ZNF568: variants seen among roughly 807,000 people sequenced by gnomAD.
ZNF568 encodes the protein zinc finger protein 568, also known as p53 inhibitor of SCO2 activation.
Under a neutral mutation model 18.1 loss-of-function variants are expected in ZNF568, and 11 were observed. The ratio of observed to expected loss-of-function variants is 0.61; its 90% CI spans 0.38 to 1.00. The LOEUF is 1.00. Among genes scored for constraint, ZNF568 ranks in the 50% least tolerant of loss-of-function variants. ZNF568 has a pLI of 0.01. For missense variants in ZNF568, 639 were observed against 768.2 expected, an observed-to-expected ratio of 0.83 and a Z score of 1.99; for synonymous variants, 213 against 246.6, an observed-to-expected ratio of 0.86 and a Z score of 1.28.
At chr19:36,948,521 T>C (rs1315943912) in intron 6 of ZNF568, among the ~76,000 whole-genome samples, 1 of 152,206 alleles carries the variant, frequency 6.6e-6, no homozygotes, top group Non-Finnish European at 1.5e-5. Flanking sequence ...TGGCTAATTT[T>C]GTAAGAAACT....
Position 36,936,828 on chromosome 19 carries a change from A to G in ZNF568, c.218A>G (p.Tyr73Cys), listed in dbSNP as rs2146290864. Residue 73 changes from tyrosine (Y) to cysteine (C), a missense_variant, in exon 5 of 7, where the codon TAT (tyrosine) becomes TGT (cysteine). Coordinates refer to ENST00000333987, the MANE Select transcript of ZNF568 (RefSeq NM_198539.4). The part of the protein sequence containing the change: ...EQMKPAQRNL[Y>C]RDVMLENYSN... The stretch of plus-strand genomic sequence containing the variant: ...ATGAAACCTGCTCAAAGAAACTTGT[A>G]TCGAGATGTGATGCTGGAGAACTAC... The G allele has an allele frequency of 1.9e-6, 3 of 1,613,986 alleles. No individual in the cohort carries two copies. In the East Asian group the frequency reaches 6.7e-5, roughly 36 times the overall value.
chr19:36,944,363 A>T (rs1440104920), intron 6 of ZNF568, among the ~76,000 whole-genome samples: 2 of 151,540 alleles, frequency 1.3e-5, no homozygotes, highest in African/African-American at 2.4e-5. Context: ...ATGCCATTGC[A>T]CTCCAGCCTG....
Position 36,950,242 on chromosome 19 carries a change from A to C in ZNF568, c.1089A>C (p.Ala363=), listed in dbSNP as rs1467272127. 3 of 1,613,872 alleles carry C rather than the reference A, an allele frequency of 1.9e-6. No homozygotes were observed. Among genetic ancestry groups the C allele is most frequent in the Non-Finnish European group, 2.5e-6 (3 of 1,179,946 alleles). ...EKIHTGEKPY[A]CNECGRAFSR... Reference sequence around the variant, plus strand: ...TTCATACTGGGGAGAAACCTTATGCATGTAATGAATGTGGTAGAGCTTTTT... The same window carrying C: ...TTCATACTGGGGAGAAACCTTATGCCTGTAATGAATGTGGTAGAGCTTTTT... The change falls in exon 7 of 7, where the codon GCA becomes GCC. Residue 363 remains alanine (A), a synonymous_variant. Coordinates refer to ENST00000333987, the MANE Select transcript of ZNF568 (RefSeq NM_198539.4).
chr19:36,997,248 T>C (rs772507656), downstream of ZNF568: 10 of 1,607,620 alleles, frequency 6.2e-6, no homozygotes, highest in South Asian at 9.9e-5. Flanking sequence ...TTATCTCTGA[T>C]TCACATCTTA....
chr19:36,919,238 C>G (rs1306538357), intron 2 of ZNF568, among the ~76,000 whole-genome samples: 1 of 151,834 alleles, frequency 6.6e-6, no homozygotes, highest in Non-Finnish European at 1.5e-5. Flanking sequence ...CTATGAATAT[C>G]AAAAACAGAC....
At chr19:36,974,740 T>C (rs1218688799) in intron 7 of ZNF568, among the ~76,000 whole-genome samples, 2 of 152,108 alleles carry the variant, frequency 1.3e-5, no homozygotes, top group Non-Finnish European at 2.9e-5. Flanking sequence ...GGCAGGGAAA[T>C]TGAACAACAG....
At chr19:36,924,412 T>A (rs1391048497) in intron 3 of ZNF568, among the ~76,000 whole-genome samples, 3 of 151,082 alleles carry the variant, frequency 2.0e-5, no homozygotes, top group Non-Finnish European at 4.4e-5. Flanking sequence ...AGAGACAGGG[T>A]TTCGCCATAT....
chr19:36,964,907 C>T (rs1270699766), intron 6 of ZNF568, among the ~76,000 whole-genome samples: 1 of 152,058 alleles, frequency 6.6e-6, no homozygotes, highest in Non-Finnish European at 1.5e-5. Flanking sequence ...TGACTGATAC[C>T]TCCAGTGTTA....
At chr19:36,947,558 A>C (rs969778021) in intron 6 of ZNF568, among the ~76,000 whole-genome samples, 2 of 152,130 alleles carry the variant, frequency 1.3e-5, no homozygotes, top group African/African-American at 4.8e-5. Flanking sequence ...GCATGGTGGG[A>C]GACTGGAATA....
intron 2 of ZNF568, among the ~76,000 whole-genome samples, chr19:36,989,816 G>A (rs949794100): frequency 3.9e-5 from 6 of 152,114 alleles, no homozygotes; most frequent in Non-Finnish European, 8.8e-5. Context: ...AAAGTGTTGG[G>A]ATGACAAGAG....
chr19:36,994,955 A>G (rs1037780648), intron 4 of ZNF568, among the ~76,000 whole-genome samples: 1 of 151,990 alleles, frequency 6.6e-6, no homozygotes, highest in African/African-American at 2.4e-5. Context: ...CGGCCAAAAT[A>G]TCCTTTTTTC....
At chr19:36,991,035 C>T (rs1600860551) in intron 2 of ZNF568, 2 of 830,704 alleles carry the variant, frequency 2.4e-6, no homozygotes, top group East Asian at 5.5e-5. Context: ...TCCACACCGA[C>T]CCCTCCATGT....
intron 6 of ZNF568, among the ~76,000 whole-genome samples, chr19:36,965,653 A>G (rs2074188396): frequency 6.6e-6 from 1 of 150,618 alleles, no homozygotes; most frequent in Admixed American, 6.6e-5. Flanking sequence ...GAATGCTTTC[A>G]TGCTTTCTCC....
chr19:36,937,434 C>T (rs2073809499), intron 6 of ZNF568, among the ~76,000 whole-genome samples, 192 bp downstream of exon 6: 1 of 152,202 alleles, frequency 6.6e-6, no homozygotes, highest in Non-Finnish European at 1.5e-5. Flanking sequence ...ATATTTTCCT[C>T]TTTTAAATTG....
At position 36,949,601 on chromosome 19, in the gene ZNF568, G is replaced by T; in HGVS notation, c.448G>T (p.Glu150Ter). Residue 150 changes from glutamate to a stop codon, truncating the protein, a stop_gained, in exon 7 of 7, where the codon GAA (glutamate) becomes TAA (stop). Coordinates refer to ENST00000333987, the MANE Select transcript of ZNF568 (RefSeq NM_198539.4). LOFTEE classifies it low-confidence loss of function (END_TRUNC). ...CATCTCCAAGAAAATTCTGATAAAG[G>T]AAAAAGTCATTGAATGTAAAAAAGT... Reference protein sequence around the residue: ...TSISKKILIKEKVIECKKVAK... With the variant: ...TSISKKILIK 3 of 1,613,412 alleles carry T rather than the reference G, an allele frequency of 1.9e-6. No individual in the cohort carries two copies. Among genetic ancestry groups the T allele is most frequent in the Non-Finnish European group, 2.5e-6 (3 of 1,179,740 alleles).
At chr19:36,985,052 GT>G (rs1243968380) in intron 2 of ZNF568, among the ~76,000 whole-genome samples, 4 of 151,892 alleles carry the variant, frequency 2.6e-5, no homozygotes, top group Non-Finnish European at 5.9e-5. Flanking sequence ...TAGAACTTCA[GT>G]TAAATATCTA....
rs532809800 is a variant in ZNF568, at chr19:36,992,595, G to A, written c.229+749G>A. Among the ~76,000 whole-genome samples the A allele has an allele frequency of 2.6e-5, 4 of 152,258 alleles. No homozygotes were observed. In the East Asian group the frequency reaches 5.8e-4, roughly 22 times the overall value. Reference sequence around the variant, plus strand: ...CCTCCCCCCTCATTTCAGAGAGGAAGTACCCTCTTTCTTTCCCTGTGACAA... The same window carrying A: ...CCTCCCCCCTCATTTCAGAGAGGAAATACCCTCTTTCTTTCCCTGTGACAA... On this transcript the variant is annotated intron_variant, in intron 4 of 4. Transcript: ENST00000433993.
intron 4 of ZNF568, among the ~76,000 whole-genome samples, chr19:36,992,211 C>G (rs940636825): frequency 1.4e-5 from 2 of 145,986 alleles, no homozygotes; most frequent in African/African-American, 2.6e-5. Flanking sequence ...CCACTACACT[C>G]CAGCCTGGGC....
In ZNF568 at chr19:36,917,662, A is replaced by G. The variant is rs967231057; in HGVS notation, c.-186+14A>G. On this transcript the variant is annotated intron_variant, in intron 2 of 6. Coordinates refer to ENST00000333987, the MANE Select transcript of ZNF568 (RefSeq NM_198539.4). The stretch of plus-strand genomic sequence containing the variant: ...TTATTTTAATAGGTGAGTATAGTTC[A>G]GTGGCATTTATCATGATTGCTCATA... 2.6e-5 allele frequency: 4 copies of G among 152,252 alleles called. No individual in the cohort carries two copies. The highest frequency in any genetic ancestry group is 2.0e-4 in the Admixed American group (3 of 15,274). The allele number at this position is 152,252 out of a possible 1,614,324, so 9.4% of individuals were successfully genotyped here. A position where few individuals can be genotyped will look rare whatever the true frequency, so the allele number is the denominator to read the frequency against.
Sources: gnomAD v4.1 joint callset for allele counts (sites outside exome capture counted in the v4.1 genomes callset) on GRCh38, gnomAD v4.1.1 for gene constraint, MANE v1.5 for transcripts, NCBI Gene and HGNC (gene_info 2026-07-23, HGNC 2026-07-21) for gene names.